Variants in GPSM2 observed in about 807,000 individuals in gnomAD.
GPSM2 encodes G protein signaling modulator 2, also known as G protein-signaling modulator 2.
A neutral mutation model predicts 78.4 loss-of-function variants in GPSM2; 58 were observed. That is an observed-to-expected ratio of 0.74 (90% CI 0.60 to 0.92). The LOEUF is 0.92. GPSM2 is among the 40% of genes least tolerant of loss of function. The pLI is 0.00. For missense variants in GPSM2, 700 were observed against 815.5 expected (o/e 0.86, Z 1.73); for synonymous variants, 224 against 280.2 (o/e 0.80, Z 2.00).
rs1439451878 is a variant in GPSM2, at chr1:108,885,417, T to G, written c.-106T>G. 1 of 695,090 alleles carries G rather than the reference T, an allele frequency of 1.4e-6. No homozygotes were observed. The highest frequency in any genetic ancestry group is 2.5e-6 in the Non-Finnish European group (1 of 392,194). The allele number at this position is 695,090 out of a possible 1,614,324, so 43.1% of individuals were successfully genotyped here. A position where few individuals can be genotyped will look rare whatever the true frequency, so the allele number is the denominator to read the frequency against. Reference sequence around the variant, plus strand: ...CTTAGGATGTATTAACACCAACTCATTAATATACTAACCGGACAATGTTCT... The same window carrying G: ...CTTAGGATGTATTAACACCAACTCAGTAATATACTAACCGGACAATGTTCT... On this transcript the variant is annotated 5_prime_UTR_variant, in exon 2 of 15. Coordinates refer to ENST00000264126, the MANE Select transcript of GPSM2 (RefSeq NM_013296.5).
At chr1:108,925,612 A>C (rs1288326856) in intron 14 of GPSM2, among the ~76,000 whole-genome samples, 1 of 152,130 alleles carries the variant, frequency 6.6e-6, no homozygotes, top group Non-Finnish European at 1.5e-5. Context: ...AAATGTTGCT[A>C]AGAACCTGAG....
intron 11 of GPSM2, 120 bp downstream of exon 11, chr1:108,914,528 G>A: frequency 4.0e-6 from 3 of 750,964 alleles, no homozygotes; most frequent in Non-Finnish European, 6.6e-6. Flanking sequence ...TTTAAAATTT[G>A]CCTGTAAAAA....
intron 5 of GPSM2, 121 bp downstream of exon 5, chr1:108,898,222 A>C: frequency 1.1e-6 from 1 of 923,826 alleles, no homozygotes; most frequent in South Asian, 1.4e-5. Context: ...TGAACTAGCA[A>C]AATCATCAAT....
chr1:108,887,725 C>T (rs1015169631), intron 2 of GPSM2, among the ~76,000 whole-genome samples: 3 of 152,194 alleles, frequency 2.0e-5, no homozygotes, highest in Non-Finnish European at 4.4e-5. Context: ...CCCACAGACA[C>T]CATGCACCCA....
intron 12 of GPSM2, 143 bp from the exon 13 acceptor site, chr1:108,922,274 G>A: frequency 1.6e-6 from 1 of 642,148 alleles, no homozygotes; most frequent in South Asian, 1.8e-5. Context: ...ACCAATATTT[G>A]CCATCTTGTA....
In GPSM2 at chr1:108,884,980, T is replaced by A. The variant is rs1030295690; in HGVS notation, c.-248-295T>A. On this transcript the variant is annotated intron_variant, in intron 1 of 14. Coordinates refer to ENST00000264126, the MANE Select transcript of GPSM2 (RefSeq NM_013296.5). ...GTTTTTAAAAGTTTGAAGCAGCAAT[T>A]TTGTTTTTAGATGCTAATATGATAC... 7.2e-5 allele frequency among the ~76,000 whole-genome samples: 11 copies of A among 152,230 alleles called. No individual in the cohort carries two copies. In the South Asian group the frequency reaches 8.3e-4, roughly 11 times the overall value.
intron 14 of GPSM2, among the ~76,000 whole-genome samples, chr1:108,928,454 G>GT (rs1455445835): frequency 6.6e-6 from 1 of 152,228 alleles, no homozygotes; most frequent in Admixed American, 6.5e-5. Context: ...CCAGGTATGT[G>GT]TGGAGGTGGC....
intron 13 of GPSM2, 39 bp downstream of exon 13, chr1:108,922,615 T>C (rs1377413765): frequency 6.8e-7 from 1 of 1,463,176 alleles, no homozygotes; most frequent in Non-Finnish European, 9.6e-7. Context: ...TTAATAGTTC[T>C]CTTTGATATT....
Position 108,904,250 on chromosome 1 carries a change from G to A in GPSM2, c.1188G>A (p.Leu396=). ...MSENTEIDSS[L]NGVRPKLGRR... is the part of the protein sequence containing the mutation. ...AAAATACTGAAATTGATAGCAGTTT[G>A]AATGGTAAGTAATAGGACTTTTAAA... Residue 396 remains leucine (L), a synonymous_variant, in exon 10 of 15, where the codon TTG becomes TTA. Transcript: ENST00000264126. The A allele has an allele frequency of 5.0e-6, 8 of 1,588,790 alleles. No individual in the cohort carries two copies. Among genetic ancestry groups the A allele is most frequent in the African/African-American group, 1.3e-5 (1 of 74,488 alleles).
chr1:108,925,675 T>C (rs1166533797), intron 14 of GPSM2, among the ~76,000 whole-genome samples: 2 of 151,962 alleles, frequency 1.3e-5, no homozygotes, highest in African/African-American at 4.8e-5. Context: ...ATGAATAATT[T>C]TGAAAGATAC....
intron 8 of GPSM2, among the ~76,000 whole-genome samples, chr1:108,902,358 C>T (rs965542082): frequency 2.5e-4 from 36 of 146,842 alleles, no homozygotes; most frequent in African/African-American, 7.9e-4. Flanking sequence ...TCCAGCCTGG[C>T]GACAGAGCAA....
At chr1:108,884,068 G>C (rs543992076) in intron 1 of GPSM2, among the ~76,000 whole-genome samples, 1 of 152,154 alleles carries the variant, frequency 6.6e-6, no homozygotes, top group African/African-American at 2.4e-5. Context: ...TCAGCCTCCT[G>C]AGTAGCTGGG....
At chr1:108,893,861 C>G (rs1222495764) in intron 2 of GPSM2, among the ~76,000 whole-genome samples, 3 of 152,016 alleles carry the variant, frequency 2.0e-5, no homozygotes, top group Admixed American at 6.6e-5. Context: ...TGGAGACCAG[C>G]CTGGCCAACA....
rs370742816 is a variant in GPSM2, at chr1:108,929,857, A to G, written c.1972A>G (p.Thr658Ala). The change falls in exon 15 of 15, where the codon ACT (threonine) becomes GCT (alanine). Residue 658 changes from threonine (T) to alanine (A), a missense_variant. By Grantham distance (58) the Thr-to-Ala change is moderately conservative. Transcript: ENST00000264126. ...VLLQRDQNRD[T>A]DFGLKDFLQN... ...TTTACAAAGAGATCAAAACAGAGAC[A>G]CTGACTTTGGGCTAAAGGACTTTTT... is the stretch of plus-strand genomic sequence containing the variant. The G allele has an allele frequency of 4.3e-6, 7 of 1,613,940 alleles. No individual in the cohort carries two copies. The highest frequency in any genetic ancestry group is 5.1e-6 in the Non-Finnish European group (6 of 1,179,820).
chr1:108,908,180 G>T (rs1423891474), intron 10 of GPSM2, among the ~76,000 whole-genome samples: 1 of 152,026 alleles, frequency 6.6e-6, no homozygotes, highest in Non-Finnish European at 1.5e-5. Flanking sequence ...GACCATCCTG[G>T]CTAACGTGGT....
chr1:108,916,666 G>A (rs541604866), intron 11 of GPSM2, among the ~76,000 whole-genome samples: 170 of 152,332 alleles, frequency 1.1e-3, no homozygotes, highest in African/African-American at 4.0e-3. Flanking sequence ...TACTAACAGT[G>A]TTATGTAAGA....
At position 108,904,204 on chromosome 1, in the gene GPSM2, C is replaced by G; in HGVS notation, c.1142C>G (p.Thr381Arg). ...LQMVLGLSYSTNNSIMSENTE... is the reference protein window; with the variant it reads ...LQMVLGLSYSRNNSIMSENTE... ...ATGGTTCTTGGTCTGAGCTACAGCA[C>G]AAATAACTCCATAATGTCTGAAAAT... The change falls in exon 10 of 15, where the codon ACA (threonine) becomes AGA (arginine). Residue 381 changes from threonine to arginine, a missense_variant. Physicochemically the swap from Thr to Arg is moderately conservative, Grantham distance 71. Coordinates refer to ENST00000264126, the MANE Select transcript of GPSM2 (RefSeq NM_013296.5). The G allele has an allele frequency of 1.2e-6, 2 of 1,600,332 alleles. No individual in the cohort carries two copies. Among genetic ancestry groups the G allele is most frequent in the Non-Finnish European group, 1.7e-6 (2 of 1,168,202 alleles).
At chr1:108,908,390 A>T (rs1365241015) in intron 10 of GPSM2, among the ~76,000 whole-genome samples, 1 of 143,808 alleles carries the variant, frequency 7.0e-6, no homozygotes, top group Non-Finnish European at 1.5e-5. Flanking sequence ...AACAAACAAA[A>T]AAAACACAGG....
intron 1 of GPSM2, among the ~76,000 whole-genome samples, chr1:108,882,360 T>C (rs1665942780): frequency 1.3e-5 from 2 of 152,252 alleles, no homozygotes; most frequent in African/African-American, 4.8e-5. Context: ...CATGGTATAG[T>C]ATTTGCATAT....
Sources: allele counts gnomAD v4.1 joint callset (sites outside exome capture counted in the v4.1 genomes callset), GRCh38; gene constraint gnomAD v4.1.1; transcripts MANE v1.5; gene names NCBI Gene and HGNC (gene_info 2026-07-23, HGNC 2026-07-21).